Variants in ENOX1 observed in about 807,000 individuals in gnomAD.
The protein encoded by ENOX1 is candidate growth-related and time keeping constitutive hydroquinone (NADH) oxidase.
A neutral mutation model predicts 82.5 loss-of-function variants in ENOX1; 42 were observed. The observed-to-expected ratio is 0.51, with a 90% CI of 0.40 to 0.66. ENOX1 has a LOEUF of 0.66. Ranked by LOEUF, ENOX1 falls within the 30% of genes least tolerant of loss-of-function variation. ENOX1 has a pLI of 0.00. For synonymous variants in ENOX1, 271 were observed against 282.2 expected, an observed-to-expected ratio of 0.96 and a Z score of 0.40; for missense variants, 608 against 811.6, an observed-to-expected ratio of 0.75 and a Z score of 3.05.
intron 3 of ENOX1, among the ~76,000 whole-genome samples, chr13:43,423,935 A>G (rs2055132321): frequency 6.6e-6 from 1 of 152,222 alleles, no homozygotes; most frequent in Non-Finnish European, 1.5e-5. Flanking sequence ...AAAAGCCTCA[A>G]TTAAAATGGC....
chr13:43,383,420 TGAG>T (rs1250564887), intron 5 of ENOX1, among the ~76,000 whole-genome samples: 1 of 152,136 alleles, frequency 6.6e-6, no homozygotes, highest in Non-Finnish European at 1.5e-5. Flanking sequence ...AAAATAGAAT[TGAG>T]GAGAGAAACA....
intron 1 of ENOX1, among the ~76,000 whole-genome samples, chr13:43,687,558 A>G (rs1566771730): frequency 6.6e-6 from 1 of 152,142 alleles, no homozygotes; most frequent in African/African-American, 2.4e-5. Context: ...TTTGAACTTA[A>G]TTAGGTCAAT....
chr13:43,282,130 C>T (rs2045421548), intron 12 of ENOX1, among the ~76,000 whole-genome samples: 1 of 151,942 alleles, frequency 6.6e-6, no homozygotes, highest in Non-Finnish European at 1.5e-5. Flanking sequence ...ATTTGGTGGC[C>T]ATCAAAATGT....
At chr13:43,393,505 T>A (rs2052931290) in intron 5 of ENOX1, among the ~76,000 whole-genome samples, 1 of 152,102 alleles carries the variant, frequency 6.6e-6, no homozygotes. Flanking sequence ...TAAAATATAG[T>A]TCTTCCCATT....
rs574834671 is a variant in ENOX1 at position 43,772,042 on chromosome 13, C to G, written c.-285+14610G>C. 2.0e-5 allele frequency among the ~76,000 whole-genome samples: 3 copies of G among 150,448 alleles called. No homozygotes were observed. The South Asian group carries it at 6.3e-4, about 32-fold the overall frequency. ...CTCATGATCCGCCCGCCTGGGCCTC[C>G]CAAAGTGCTGGGATTACAGCATTGG... On this transcript the variant is annotated intron_variant, in intron 1 of 16. Transcript: ENST00000690772.
intron 2 of ENOX1, among the ~76,000 whole-genome samples, chr13:43,612,110 G>T (rs1216899837): frequency 6.6e-6 from 1 of 152,166 alleles, no homozygotes; most frequent in Non-Finnish European, 1.5e-5. Context: ...TTGATGAGGG[G>T]TGACTATAGG....
chr13:43,315,310 A>G (rs964662337), intron 11 of ENOX1, among the ~76,000 whole-genome samples: 6 of 152,258 alleles, frequency 3.9e-5, no homozygotes, highest in Admixed American at 3.3e-4. Context: ...AGTGTTTTCT[A>G]TGAGCATCTG....
At chr13:43,420,797 AT>A (rs1032637415) in intron 3 of ENOX1, among the ~76,000 whole-genome samples, 1 of 152,130 alleles carries the variant, frequency 6.6e-6, no homozygotes, top group Non-Finnish European at 1.5e-5. Flanking sequence ...GTTTTGGGGT[AT>A]TGGGGAGCAC....
intron 5 of ENOX1, among the ~76,000 whole-genome samples, chr13:43,371,736 A>G (rs1163866311): frequency 2.6e-5 from 4 of 152,214 alleles, no homozygotes; most frequent in Non-Finnish European, 4.4e-5. Context: ...GTAGGTTTCA[A>G]TTTAAACTTA....
chr13:43,508,806 T>A (rs970827505), intron 2 of ENOX1, among the ~76,000 whole-genome samples: 1 of 152,006 alleles, frequency 6.6e-6, no homozygotes, highest in Non-Finnish European at 1.5e-5. Context: ...AATATAAACA[T>A]AGAAACAGCT....
intron 5 of ENOX1, chr13:43,394,923 G>A (rs2053045951): frequency 6.6e-6 from 1 of 151,982 alleles, no homozygotes; most frequent in Non-Finnish European, 1.5e-5. Flanking sequence ...AAGATTAGCA[G>A]ATAGATTTCT....
At chr13:43,340,221 T>C (rs2048974325) in intron 9 of ENOX1, among the ~76,000 whole-genome samples, 1 of 152,332 alleles carries the variant, frequency 6.6e-6, no homozygotes. Context: ...TAGAAGAGAA[T>C]GGAAAGTTCT....
At chr13:43,396,861 G>A (rs1022407307) in intron 5 of ENOX1, among the ~76,000 whole-genome samples, 1 of 152,198 alleles carries the variant, frequency 6.6e-6, no homozygotes, top group Admixed American at 6.5e-5. Flanking sequence ...AGCTTTAAGG[G>A]AGCCTGAATA....
At chr13:43,620,979 G>A (rs942777874) in intron 2 of ENOX1, among the ~76,000 whole-genome samples, 1 of 152,106 alleles carries the variant, frequency 6.6e-6, no homozygotes, top group African/African-American at 2.4e-5. Flanking sequence ...TGTTGAACAA[G>A]GACTTTTACC....
chr13:43,268,391 A>C (rs2044501366), intron 13 of ENOX1, among the ~76,000 whole-genome samples: 1 of 152,222 alleles, frequency 6.6e-6, no homozygotes, highest in East Asian at 1.9e-4. Context: ...AATCATACAG[A>C]GTCAGCCTCA....
chr13:43,519,651 C>G (rs2077686570), intron 2 of ENOX1, among the ~76,000 whole-genome samples: 1 of 152,092 alleles, frequency 6.6e-6, no homozygotes. Flanking sequence ...CACCCAAAGA[C>G]CAGGAGACCC....
intron 5 of ENOX1, among the ~76,000 whole-genome samples, chr13:43,378,997 G>A (rs1309989730): frequency 6.6e-6 from 1 of 152,142 alleles, no homozygotes; most frequent in Non-Finnish European, 1.5e-5. Flanking sequence ...GTAATTTGAT[G>A]TATGAAGAAT....
At chr13:43,678,720 T>C (rs535128934) in intron 1 of ENOX1, among the ~76,000 whole-genome samples, 3 of 152,250 alleles carry the variant, frequency 2.0e-5, no homozygotes, top group Admixed American at 6.5e-5. Context: ...TCAGAACTGC[T>C]GTGAGGCTAA....
At chr13:43,754,168 AC>A (rs1950504337) in intron 1 of ENOX1, among the ~76,000 whole-genome samples, 1 of 143,556 alleles carries the variant, frequency 7.0e-6, no homozygotes, top group African/African-American at 2.6e-5. Context: ...ATATATGTAT[AC>A]ATTACACGTA....
Sources: allele counts gnomAD v4.1 joint callset (sites outside exome capture counted in the v4.1 genomes callset), GRCh38; gene constraint gnomAD v4.1.1; transcripts MANE v1.5; gene names NCBI Gene and HGNC (gene_info 2026-07-23, HGNC 2026-07-21).